Variants in SAMD12 observed in about 807,000 individuals in gnomAD.
SAMD12 encodes sterile alpha motif domain-containing protein 12.
Under a neutral mutation model 15.0 loss-of-function variants are expected in SAMD12, and 9 were observed. That is an observed-to-expected ratio of 0.60 (90% CI 0.36 to 1.05). The LOEUF is 1.05. Among genes scored for constraint, SAMD12 ranks in the 50% least tolerant of loss-of-function variants. The pLI, the probability that SAMD12 is intolerant of heterozygous loss-of-function variation, is 0.01. For synonymous variants in SAMD12, 86 were observed against 90.1 expected (o/e 0.96, Z 0.25); for missense variants, 230 against 234.2 (o/e 0.98, Z 0.12).
intron 2 of SAMD12, among the ~76,000 whole-genome samples, chr8:118,566,387 T>C (rs1826849040): frequency 6.6e-6 from 1 of 152,280 alleles, no homozygotes; most frequent in East Asian, 1.9e-4. Flanking sequence ...TTGGTTTCCT[T>C]CCAAATATAT....
At chr8:118,480,900 T>C (rs776502924) in intron 2 of SAMD12, among the ~76,000 whole-genome samples, 1 of 152,178 alleles carries the variant, frequency 6.6e-6, no homozygotes, top group African/African-American at 2.4e-5. Flanking sequence ...CTCTTCTCCA[T>C]TGATCTTGGC....
rs865981777 is a variant in SAMD12 at position 118,268,041 on chromosome 8, G to A, written c.434-70309C>T. On this transcript the variant is annotated intron_variant, in intron 4 of 4. Transcript: ENST00000409003. The stretch of plus-strand genomic sequence containing the variant: ...AAGGAGGCAGAGGTGGCAGTGAGCC[G>A]AGATCATGCCATTGCACTCCAGCCT... Among the ~76,000 whole-genome samples, 4 of 152,240 alleles carry A rather than the reference G, an allele frequency of 2.6e-5. No homozygotes were observed. The South Asian group carries it at 6.2e-4, about 24-fold the overall frequency.
At chr8:118,240,227 T>C (rs1812533847) in intron 4 of SAMD12, among the ~76,000 whole-genome samples, 1 of 152,132 alleles carries the variant, frequency 6.6e-6, no homozygotes, top group Non-Finnish European at 1.5e-5. Flanking sequence ...AGTCTTCAGA[T>C]GACTGCAGCC....
chr8:118,403,125 T>G (rs1325261302), intron 3 of SAMD12, among the ~76,000 whole-genome samples: 3 of 152,238 alleles, frequency 2.0e-5, no homozygotes, highest in African/African-American at 7.2e-5. Context: ...CACAAATATC[T>G]GTCTGTGAAG....
At chr8:118,541,605 G>A (rs901234947) in intron 2 of SAMD12, among the ~76,000 whole-genome samples, 3 of 152,090 alleles carry the variant, frequency 2.0e-5, no homozygotes, top group Non-Finnish European at 4.4e-5. Context: ...ATAAAATAGC[G>A]GGAAGAGGCA....
intron 2 of SAMD12, among the ~76,000 whole-genome samples, chr8:118,570,010 A>G (rs1826964204): frequency 1.3e-5 from 2 of 152,202 alleles, no homozygotes; most frequent in Admixed American, 1.3e-4. Flanking sequence ...TCACTTAAAG[A>G]GAAAGAGAAG....
At position 118,231,525 on chromosome 8, in the gene SAMD12, C is replaced by G. The variant is rs140392658; in HGVS notation, c.434-33793G>C. Among the ~76,000 whole-genome samples the G allele has an allele frequency of 4.1e-4, 62 of 152,262 alleles. 1 individual carries two copies. Among genetic ancestry groups the G allele is most frequent in the African/African-American group, 1.4e-3 (59 of 41,564 alleles). On this transcript the variant is annotated intron_variant, in intron 4 of 4. Coordinates refer to the SAMD12 transcript ENST00000409003. ...CTAAGGAAATTGAGATTTTTACTGCCTGTCTGACCTTTGGTAGTTTGCAGT... is the reference window on the plus strand; with the variant it reads ...CTAAGGAAATTGAGATTTTTACTGCGTGTCTGACCTTTGGTAGTTTGCAGT...
At chr8:118,231,740 T>C (rs946760902) in intron 4 of SAMD12, among the ~76,000 whole-genome samples, 6 of 152,172 alleles carry the variant, frequency 3.9e-5, no homozygotes, top group Non-Finnish European at 7.4e-5. Context: ...TCCACCAAAA[T>C]TTATGATCCT....
intron 4 of SAMD12, among the ~76,000 whole-genome samples, chr8:118,344,209 C>T (rs537466104): frequency 3.7e-4 from 57 of 152,324 alleles, no homozygotes; most frequent in Non-Finnish European, 6.5e-4. Context: ...TCCCCCTATC[C>T]TGCTCAGGTT....
intron 3 of SAMD12, among the ~76,000 whole-genome samples, chr8:118,395,910 T>C (rs1820538709): frequency 1.4e-5 from 2 of 142,532 alleles, no homozygotes; most frequent in African/African-American, 5.3e-5. Flanking sequence ...GTGAGTAAGA[T>C]CGCAAGAGCA....
At chr8:118,217,644 G>T (rs1411185588) in intron 4 of SAMD12, among the ~76,000 whole-genome samples, 1 of 149,678 alleles carries the variant, frequency 6.7e-6, no homozygotes, top group Non-Finnish European at 1.5e-5. Context: ...TTTGAATCAG[G>T]CCTTGAAAGA....
At chr8:118,149,749 A>G in the SAMD12 span, among the ~76,000 whole-genome samples, 1 of 152,136 alleles carries the variant, frequency 6.6e-6, no homozygotes, top group Non-Finnish European at 1.5e-5. Context: ...TTACTTTACC[A>G]TAATGTGAGA....
chr8:118,387,830 A>G (rs1484228362), intron 3 of SAMD12, among the ~76,000 whole-genome samples: 2 of 152,240 alleles, frequency 1.3e-5, no homozygotes. Context: ...AAATGCAAGC[A>G]GTGGGAACAT....
chr8:118,512,038 A>T (rs1377901613), intron 2 of SAMD12, among the ~76,000 whole-genome samples: 1 of 144,874 alleles, frequency 6.9e-6, no homozygotes, highest in Admixed American at 6.9e-5. Context: ...GAGCACTATA[A>T]AGAACATTTT....
chr8:118,272,236 G>A (rs911316997), intron 4 of SAMD12, among the ~76,000 whole-genome samples: 3 of 152,202 alleles, frequency 2.0e-5, no homozygotes, highest in African/African-American at 4.8e-5. Context: ...AGCTGCCAAG[G>A]CTTGGGGCTT....
At chr8:118,176,113 A>G in the SAMD12 span, among the ~76,000 whole-genome samples, 1 of 152,158 alleles carries the variant, frequency 6.6e-6, no homozygotes, top group South Asian at 2.1e-4. Flanking sequence ...CATCCTGGCT[A>G]ACACGGTGAA....
chr8:118,423,100 C>T (rs1250092705), intron 3 of SAMD12, among the ~76,000 whole-genome samples: 2 of 152,170 alleles, frequency 1.3e-5, no homozygotes, highest in African/African-American at 4.8e-5. Context: ...GGCTCTGGGG[C>T]TTGTGCCCAG....
chr8:118,284,988 T>C (rs1211386365), intron 4 of SAMD12: 1 of 151,282 alleles, frequency 6.6e-6, no homozygotes. Flanking sequence ...GAATCAAAAT[T>C]CATCTGTTGT....
chr8:118,268,637 A>T (rs915484640), intron 4 of SAMD12, among the ~76,000 whole-genome samples: 64 of 152,154 alleles, frequency 4.2e-4, no homozygotes, highest in African/African-American at 1.5e-3. Context: ...CAACATGGTG[A>T]AACCCCATCT....
Sources: gnomAD v4.1 joint callset for allele counts (sites outside exome capture counted in the v4.1 genomes callset) on GRCh38, gnomAD v4.1.1 for gene constraint, MANE v1.5 for transcripts, NCBI Gene and HGNC (gene_info 2026-07-23, HGNC 2026-07-21) for gene names.